Variants in TRIM44 observed in about 807,000 individuals in gnomAD.
TRIM44 encodes the protein tripartite motif containing 44.
A neutral mutation model predicts 37.4 loss-of-function variants in TRIM44; 13 were observed. The observed-to-expected ratio is 0.35, with a 90% CI of 0.23 to 0.55. TRIM44 has a LOEUF of 0.55. Ranked by LOEUF, TRIM44 falls within the 20% of genes least tolerant of loss-of-function variation. TRIM44 has a pLI of 0.89. For synonymous variants in TRIM44, 175 were observed against 157.2 expected (o/e 1.11, Z -0.85); for missense variants, 426 against 437.2 (o/e 0.97, Z 0.23).
At chr11:35,664,790 TAAGA>T (rs1851313540) in intron 1 of TRIM44, among the ~76,000 whole-genome samples, 1 of 152,218 alleles carries the variant, frequency 6.6e-6, no homozygotes, top group African/African-American at 2.4e-5. Flanking sequence ...CCATCCAGAT[TAAGA>T]AATAGAACAT....
At chr11:35,769,989 G>C (rs929006916) in intron 4 of TRIM44, among the ~76,000 whole-genome samples, 5 of 152,114 alleles carry the variant, frequency 3.3e-5, no homozygotes, top group Non-Finnish European at 7.4e-5. Flanking sequence ...GCTGAGGTAT[G>C]GGGTACAATT....
intron 4 of TRIM44, among the ~76,000 whole-genome samples, chr11:35,739,655 T>C (rs1382508584): frequency 5.9e-5 from 9 of 152,086 alleles, no homozygotes; most frequent in Non-Finnish European, 5.9e-5. Flanking sequence ...GGGTGCTCCC[T>C]GGGGAGCAGC....
In TRIM44 at chr11:35,813,092, C is replaced by G. The variant is rs1046017514; in HGVS notation, c.*6707C>G. On this transcript the variant is annotated 3_prime_UTR_variant, in exon 5 of 5. Coordinates refer to ENST00000299413, the MANE Select transcript of TRIM44 (RefSeq NM_017583.6). The stretch of plus-strand genomic sequence containing the variant: ...TGGAAAGGGACAACAGCAAAAGGAG[C>G]TTATCTGTTTTAAAGTTCACTTACT... The G allele has an allele frequency of 3.3e-5, 5 of 152,146 alleles. No homozygotes were observed. In the East Asian group the frequency reaches 9.6e-4, roughly 29 times the overall value. The allele number at this position is 152,146 out of a possible 1,614,324, so 9.4% of individuals were successfully genotyped here.
At chr11:35,699,831 A>G (rs1188129331) in intron 2 of TRIM44, among the ~76,000 whole-genome samples, 1 of 152,132 alleles carries the variant, frequency 6.6e-6, no homozygotes, top group African/African-American at 2.4e-5. Context: ...CCAAATCATG[A>G]GTGAACTCCC....
At chr11:35,798,858 G>A (rs2133882307) in intron 4 of TRIM44, among the ~76,000 whole-genome samples, 1 of 152,304 alleles carries the variant, frequency 6.6e-6, no homozygotes, top group Admixed American at 6.5e-5. Flanking sequence ...TTTTATATAT[G>A]TATAGAAGGT....
At chr11:35,679,965 C>T (rs934255411) in intron 1 of TRIM44, among the ~76,000 whole-genome samples, 2 of 152,150 alleles carry the variant, frequency 1.3e-5, no homozygotes, top group African/African-American at 4.8e-5. Context: ...GTGCAATGCT[C>T]TTTACATTTG....
chr11:35,720,419 T>C (rs1188192071), intron 2 of TRIM44, among the ~76,000 whole-genome samples: 1 of 151,522 alleles, frequency 6.6e-6, no homozygotes, highest in Non-Finnish European at 1.5e-5. Flanking sequence ...TTTTTTTCTT[T>C]TTTTTTTTTC....
In TRIM44 at chr11:35,816,818, A is replaced by G. The variant is rs568953915; in HGVS notation, c.*10433A>G. 3.3e-5 allele frequency: 5 copies of G among 152,370 alleles called. No individual in the cohort carries two copies. Among genetic ancestry groups the G allele is most frequent in the African/African-American group, 1.2e-4 (5 of 41,588 alleles). 9.4% of individuals were successfully genotyped at this position (152,370 alleles called of 1,614,324 possible). A position where few individuals can be genotyped will look rare whatever the true frequency, so the allele number is the denominator to read the frequency against. ...AGTGCCTGACACATAGTAAGCACTTAGAAATGGTAGCTTCTGACTGTTGTG... is the reference window on the plus strand; with the variant it reads ...AGTGCCTGACACATAGTAAGCACTTGGAAATGGTAGCTTCTGACTGTTGTG... On this transcript the variant is annotated 3_prime_UTR_variant, in exon 5 of 5. Transcript: ENST00000299413.
chr11:35,759,119 C>T (rs545285502), intron 4 of TRIM44, among the ~76,000 whole-genome samples: 26 of 152,294 alleles, frequency 1.7e-4, no homozygotes, highest in South Asian at 1.5e-3. Flanking sequence ...CCATTCTCCC[C>T]GTCACTTTCA....
chr11:35,682,874 G>A (rs930410763), intron 1 of TRIM44, among the ~76,000 whole-genome samples: 3 of 152,170 alleles, frequency 2.0e-5, no homozygotes, highest in Admixed American at 6.5e-5. Flanking sequence ...ATTCTTTTCT[G>A]AAGGTTTTAA....
rs149324489 is a variant in TRIM44, at chr11:35,684,123, G to A, written c.670-1136G>A. On this transcript the variant is annotated intron_variant, in intron 1 of 4. Transcript: ENST00000299413. ...GCTAGTGTGTGACTAATGGCACTAG[G>A]GCTCTAGTCTGTGCTCTAAATCTGT... 2.1e-3 allele frequency among the ~76,000 whole-genome samples: 321 copies of A among 152,166 alleles called. 1 individual carries two copies. The highest frequency in any genetic ancestry group is 3.7e-3 in the Non-Finnish European group (251 of 67,994).
chr11:35,662,908 G>C lies in TRIM44; in HGVS notation c.-204G>C, dbSNP rs1179940757. 4.7e-6 allele frequency: 4 copies of C among 854,484 alleles called. No individual in the cohort carries two copies. The African/African-American group carries it at 7.2e-5, about 15-fold the overall frequency. 52.9% of individuals were successfully genotyped at this position (854,484 alleles called of 1,614,324 possible). On this transcript the variant is annotated 5_prime_UTR_variant, in exon 1 of 5. Transcript: ENST00000299413. ...GGAAGCGCAGGGACAGAGCGGAGCA[G>C]GCCGAGCCGGCGGAAAGGGTCTTTG...
chr11:35,770,528 C>T (rs1303062809), intron 4 of TRIM44, among the ~76,000 whole-genome samples: 2 of 152,186 alleles, frequency 1.3e-5, no homozygotes, highest in African/African-American at 4.8e-5. Context: ...TAAACATTTC[C>T]TTTTCTCCAT....
intron 4 of TRIM44, among the ~76,000 whole-genome samples, chr11:35,764,666 G>A (rs1852770155): frequency 6.6e-6 from 1 of 152,116 alleles, no homozygotes; most frequent in African/African-American, 2.4e-5. Context: ...TCCCAGCTTT[G>A]CCAGTAGGAG....
intron 3 of TRIM44, among the ~76,000 whole-genome samples, chr11:35,726,629 T>G (rs578119437): frequency 2.0e-5 from 3 of 151,658 alleles, no homozygotes; most frequent in African/African-American, 2.4e-5. Context: ...CTGCATAAAT[T>G]GGAGGCATAA....
intron 2 of TRIM44, among the ~76,000 whole-genome samples, chr11:35,686,455 A>T (rs1851583486): frequency 6.6e-6 from 1 of 151,462 alleles, no homozygotes; most frequent in African/African-American, 2.4e-5. Context: ...GGACTCTTAC[A>T]TGATTGTACT....
intron 4 of TRIM44, among the ~76,000 whole-genome samples, chr11:35,771,085 G>A (rs1852863445): frequency 6.6e-6 from 1 of 152,180 alleles, no homozygotes; most frequent in Non-Finnish European, 1.5e-5. Context: ...TTTGGAACTG[G>A]GTAACAAGCA....
chr11:35,735,431 T>C lies in TRIM44; in HGVS notation c.993T>C (p.Asp331=), dbSNP rs374271699. 3 of 1,613,738 alleles carry C rather than the reference T, an allele frequency of 1.9e-6. No homozygotes were observed. Residue 331 remains aspartate, a synonymous_variant, in exon 4 of 5, where the codon GAT becomes GAC. Transcript: ENST00000299413. ...NESAEPKAEG[D]EEGPSGASEE... ...TCTTTCTGTTTGTCTTTCAGGGCGA[T>C]GAGGAAGGACCCAGGTAAGATCACA...
intron 4 of TRIM44, among the ~76,000 whole-genome samples, chr11:35,772,509 G>A (rs1243892978): frequency 2.0e-5 from 3 of 152,230 alleles, no homozygotes; most frequent in African/African-American, 7.2e-5. Flanking sequence ...AGCTGCCCAA[G>A]ACCATGGGAA....
Sources: gnomAD v4.1 joint callset for allele counts (sites outside exome capture counted in the v4.1 genomes callset) on GRCh38, gnomAD v4.1.1 for gene constraint, MANE v1.5 for transcripts, NCBI Gene and HGNC (gene_info 2026-07-23, HGNC 2026-07-21) for gene names.